Variants in ATXN2 observed in about 807,000 individuals in gnomAD.
ATXN2 encodes the protein ataxin-2.
In ATXN2, 37 loss-of-function variants were observed where a neutral mutation model predicts 138.6. The ratio of observed to expected loss-of-function variants is 0.27; its 90% confidence interval spans 0.21 to 0.35. ATXN2 has a LOEUF of 0.35. ATXN2 is among the 10% of genes least tolerant of loss of function. The pLI, the probability that ATXN2 is intolerant of heterozygous loss-of-function variation, is 1.00. For synonymous variants in ATXN2, 549 were observed against 543.7 expected (o/e 1.01, Z -0.13); for missense variants, 1,216 against 1,480.3 (o/e 0.82, Z 2.93).
intron 14 of ATXN2, among the ~76,000 whole-genome samples, chr12:111,499,563 A>G (rs900845392): frequency 6.6e-6 from 1 of 151,928 alleles, no homozygotes; most frequent in Middle Eastern, 3.4e-3. Context: ...AATTAGGCAG[A>G]CATGGTGGCA....
intron 1 of ATXN2, among the ~76,000 whole-genome samples, chr12:111,561,864 T>A (rs1449601788): frequency 2.0e-5 from 3 of 151,692 alleles, no homozygotes; most frequent in Admixed American, 2.0e-4. Context: ...CAGGCTGGAG[T>A]GCAGTGGCAT....
chr12:111,547,949 T>C (rs1314214752), intron 5 of ATXN2, among the ~76,000 whole-genome samples: 3 of 151,706 alleles, frequency 2.0e-5, no homozygotes, highest in Non-Finnish European at 2.9e-5. Context: ...TCCCAGCAAT[T>C]TGGGAGGCCC....
chr12:111,525,077 C>G (rs1566042466), intron 6 of ATXN2, 115 bp downstream of exon 6: 1 of 1,334,036 alleles, frequency 7.5e-7, no homozygotes, highest in Non-Finnish European at 1.0e-6. Flanking sequence ...AAACCTGCTG[C>G]TCTAAATACA....
At chr12:111,591,247 A>G (rs1884650175) in intron 1 of ATXN2, among the ~76,000 whole-genome samples, 1 of 152,154 alleles carries the variant, frequency 6.6e-6, no homozygotes, top group Admixed American at 6.6e-5. Flanking sequence ...CATCTTCCAC[A>G]AAACCGGTCC....
intron 1 of ATXN2, among the ~76,000 whole-genome samples, chr12:111,560,127 A>G (rs1882601305): frequency 6.6e-6 from 1 of 152,236 alleles, no homozygotes; most frequent in Non-Finnish European, 1.5e-5. Context: ...TCTGTGGAGC[A>G]GTTTAGGCCC....
At chr12:111,596,512 T>TTA (rs1382307803) in intron 1 of ATXN2, among the ~76,000 whole-genome samples, 1 of 152,196 alleles carries the variant, frequency 6.6e-6, no homozygotes, top group African/African-American at 2.4e-5. Context: ...TCTCAGAGAC[T>TTA]TATTTTCACT....
intron 14 of ATXN2, among the ~76,000 whole-genome samples, chr12:111,491,470 C>T (rs1236327361): frequency 6.6e-6 from 1 of 152,014 alleles, no homozygotes; most frequent in Non-Finnish European, 1.5e-5. Context: ...TGCCAGCCTT[C>T]CCCCAACTCC....
intron 5 of ATXN2, among the ~76,000 whole-genome samples, chr12:111,528,275 G>A (rs1880614008): frequency 6.6e-6 from 1 of 152,164 alleles, no homozygotes; most frequent in Admixed American, 6.5e-5. Context: ...CAGGGTATGT[G>A]TGTGTGTGTG....
In ATXN2 at chr12:111,516,405, G is replaced by GA; in HGVS notation, c.1166-43dup. ...TATGAAGGAAAGTATAAAAACTAAAGAAAAAAATGAGGGAAAAAAGTAAAC... is the reference window on the plus strand; with the variant it reads ...TATGAAGGAAAGTATAAAAACTAAAGAAAAAAAATGAGGGAAAAAAGTAAAC... On this transcript the variant is annotated intron_variant, in intron 9 of 24. Coordinates refer to ENST00000673436, the MANE Select transcript of ATXN2 (RefSeq NM_001372574.1). This position sits in a 1 kb window ranked among gnomAD's most constrained non-coding sequence, Gnocchi z 5.0. The GA allele has an allele frequency of 6.8e-7, 1 of 1,475,458 alleles. No homozygotes were observed. Among genetic ancestry groups the GA allele is most frequent in the Non-Finnish European group, 9.1e-7 (1 of 1,099,984 alleles). The allele number at this position is 1,475,458 out of a possible 1,614,324, so 91.4% of individuals were successfully genotyped here.
At chr12:111,501,659 T>C (rs956491944) in intron 14 of ATXN2, among the ~76,000 whole-genome samples, 1 of 152,234 alleles carries the variant, frequency 6.6e-6, no homozygotes, top group Non-Finnish European at 1.5e-5. Context: ...AGGGTATTTA[T>C]GTGGGCACAC....
Position 111,598,105 on chromosome 12 carries a change from T to C in ATXN2, c.251+679A>G, listed in dbSNP as rs1592944302. 1 of 1,117,260 alleles carries C rather than the reference T, an allele frequency of 9.0e-7. No homozygotes were observed. The highest frequency in any genetic ancestry group is 6.8e-5 in the East Asian group (1 of 14,732). The allele number at this position is 1,117,260 out of a possible 1,614,324, so 69.2% of individuals were successfully genotyped here. A position where few individuals can be genotyped will look rare whatever the true frequency, so the allele number is the denominator to read the frequency against. On this transcript the variant is annotated intron_variant, in intron 1 of 24. Transcript: ENST00000673436. The surrounding 1 kb of genome is among the most constrained non-coding windows in gnomAD (Gnocchi z 4.5). Reference sequence around the variant, plus strand: ...GGAGGCCACATGGAGCCCCACGATTTCAGGGGAGTTCGGGAGCCCCCGCCG... The same window carrying C: ...GGAGGCCACATGGAGCCCCACGATTCCAGGGGAGTTCGGGAGCCCCCGCCG...
chr12:111,599,333 C>G, upstream of ATXN2: 1 of 575,094 alleles, frequency 1.7e-6, no homozygotes, highest in East Asian at 1.7e-4. Context: ...GGGAGGGGGG[C>G]CGGGGCCGGG....
chr12:111,497,613 A>G (rs891531777), intron 14 of ATXN2, among the ~76,000 whole-genome samples: 7 of 151,678 alleles, frequency 4.6e-5, no homozygotes, highest in African/African-American at 1.2e-4. Flanking sequence ...AATAAAAGAC[A>G]AAGACTAAAA....
intron 5 of ATXN2, among the ~76,000 whole-genome samples, chr12:111,526,533 T>G (rs371423352): frequency 5.3e-5 from 8 of 151,382 alleles, no homozygotes; most frequent in African/African-American, 1.9e-4. Flanking sequence ...GCCTCCCAAG[T>G]AGCTAAGATT....
chr12:111,505,493 C>A (rs1036911393), intron 14 of ATXN2, among the ~76,000 whole-genome samples: 2 of 152,136 alleles, frequency 1.3e-5, no homozygotes, highest in East Asian at 1.9e-4. Context: ...ACTCCCACAA[C>A]CCAATAATAA....
At chr12:111,477,756 C>CTT (rs78144501) in intron 18 of ATXN2, among the ~76,000 whole-genome samples, 1 of 151,680 alleles carries the variant, frequency 6.6e-6, no homozygotes, top group Non-Finnish European at 1.5e-5. Flanking sequence ...AGAAACATGA[C>CTT]TTTTTTTTCT....
intron 14 of ATXN2, among the ~76,000 whole-genome samples, chr12:111,489,609 C>T (rs1877885257): frequency 1.4e-5 from 2 of 138,844 alleles, no homozygotes; most frequent in African/African-American, 6.1e-5. Context: ...GAGACTCCGT[C>T]TCAAAAAAAA....
intron 21 of ATXN2, among the ~76,000 whole-genome samples, chr12:111,460,448 C>G (rs112459361): frequency 6.6e-6 from 1 of 152,332 alleles, no homozygotes; most frequent in African/African-American, 2.4e-5. Context: ...GCACTAACCC[C>G]TACCGCCACC....
intron 5 of ATXN2, among the ~76,000 whole-genome samples, chr12:111,544,052 G>A (rs1881677596): frequency 2.0e-5 from 3 of 151,784 alleles, no homozygotes. Context: ...ATTCCAGCCT[G>A]AGTGACAGAG....
Sources: gnomAD v4.1 joint callset for allele counts (sites outside exome capture counted in the v4.1 genomes callset) on GRCh38, gnomAD v4.1.1 for gene constraint, Gnocchi (gnomAD v3.1) non-coding constraint, MANE v1.5 for transcripts, NCBI Gene and HGNC (gene_info 2026-07-23, HGNC 2026-07-21) for gene names.